The following DNAJB2 variants were observed in gnomAD, a reference collection of about 807,000 sequenced individuals.
DNAJB2 encodes the protein dnaJ homolog subfamily B member 2.
Under a neutral mutation model 33.3 loss-of-function variants are expected in DNAJB2, and 19 were observed. The observed-to-expected ratio is 0.57, with a 90% CI of 0.40 to 0.84. The LOEUF (loss-of-function observed/expected upper bound fraction) is 0.84, where lower values mean the gene tolerates loss of function less well. Ranked by LOEUF, DNAJB2 falls within the 40% of genes least tolerant of loss-of-function variation. The probability of loss-of-function intolerance (pLI) is 0.00; values close to 1 mark genes in which losing one functional copy is unlikely to be tolerated. For synonymous variants in DNAJB2, 172 were observed against 164.6 expected, an observed-to-expected ratio of 1.04 and a Z score of -0.34; for missense variants, 368 against 430.9, an observed-to-expected ratio of 0.85 and a Z score of 1.29.
chr2:219,282,153 G>A (rs1266783999), intron 5 of DNAJB2, 92 bp downstream of exon 5: 3 of 1,606,556 alleles, frequency 1.9e-6, no homozygotes, highest in Non-Finnish European at 2.6e-6. Context: ...GGAAGGCTGA[G>A]AGGGGACGGG....
At chr2:219,281,224 C>G (rs966273698) in intron 3 of DNAJB2, 1 of 183,896 alleles carries the variant, frequency 5.4e-6, no homozygotes, top group Non-Finnish European at 1.1e-5. Context: ...CAACACCTAC[C>G]AGGCACACAC....
intron 8 of DNAJB2, among the ~76,000 whole-genome samples, chr2:219,283,701 A>G (rs1182724078): frequency 6.6e-6 from 1 of 152,168 alleles, no homozygotes; most frequent in Middle Eastern, 3.2e-3. Flanking sequence ...GGTGCCTTAC[A>G]TTTGCAAAGC....
rs370901455 is a variant in DNAJB2 at position 219,279,811 on chromosome 2, C to T, written c.-23C>T. The T allele has an allele frequency of 1.5e-4, 234 of 1,613,502 alleles. No homozygotes were observed. In the African/African-American group the frequency reaches 2.7e-3, roughly 18 times the overall value. On this transcript the variant is annotated 5_prime_UTR_variant, in exon 2 of 9. Coordinates refer to ENST00000336576, the MANE Select transcript of DNAJB2 (RefSeq NM_006736.6). This position sits in a 1 kb window ranked among gnomAD's most constrained non-coding sequence, Gnocchi z 4.9. The stretch of plus-strand genomic sequence containing the variant: ...TCTCTTCTGCAGCCCCAAGGAGGCC[C>T]GCCTGACGACTGACCAGTTGCCATG...
At chr2:219,281,328 T>G in intron 3 of DNAJB2, 1 of 219,218 alleles carries the variant, frequency 4.6e-6, no homozygotes. Context: ...TTAGTTCTGG[T>G]GGTTGTAGAA....
In DNAJB2 at chr2:219,284,714, T is replaced by C; in HGVS notation, c.702T>C (p.Thr234=). The change falls in exon 9 of 9, where the codon ACT becomes ACC. Residue 234 remains threonine (T), a synonymous_variant. Transcript: ENST00000336576. The stretch of plus-strand genomic sequence containing the variant: ...CAGTCACTTCCAGGTCTGGGGGCAC[T>C]CAGGTCCAGCAGACCCCTGCCTCAT... ...QPSVTSRSGG[T]QVQQTPASCP... 1 of 1,612,998 alleles carries C rather than the reference T, an allele frequency of 6.2e-7. No homozygotes were observed.
Position 219,285,472 on chromosome 2 carries a change from G to A in DNAJB2, c.*485G>A, listed in dbSNP as rs968563699. On this transcript the variant is annotated 3_prime_UTR_variant, in exon 9 of 9. Coordinates refer to ENST00000336576, the MANE Select transcript of DNAJB2 (RefSeq NM_006736.6). ...AACCCTGGTTTCTGTGCCATGTTGC[G>A]CTCTGACCGTCTCTGTTGCTTCTCT... is the stretch of plus-strand genomic sequence containing the variant. 6.0e-6 allele frequency: 6 copies of A among 1,006,858 alleles called. No individual in the cohort carries two copies. Among genetic ancestry groups the A allele is most frequent in the Middle Eastern group, 5.1e-4 (1 of 1,976 alleles). 62.4% of individuals were successfully genotyped at this position (1,006,858 alleles called of 1,614,324 possible).
At chr2:219,284,301 G>C (rs573085820) in intron 8 of DNAJB2, among the ~76,000 whole-genome samples, 1 of 152,078 alleles carries the variant, frequency 6.6e-6, no homozygotes, top group Admixed American at 6.5e-5. Flanking sequence ...GGCTAGTCTC[G>C]AACTTCTAGG....
Position 219,285,245 on chromosome 2 carries a change from T to C in DNAJB2, c.*258T>C. 8.4e-7 allele frequency: 1 copy of C among 1,194,806 alleles called. No homozygotes were observed. Among genetic ancestry groups the C allele is most frequent in the Non-Finnish European group, 1.0e-6 (1 of 962,996 alleles). 74.0% of individuals were successfully genotyped at this position (1,194,806 alleles called of 1,614,324 possible). A position where few individuals can be genotyped will look rare whatever the true frequency, so the allele number is the denominator to read the frequency against. On this transcript the variant is annotated 3_prime_UTR_variant, in exon 9 of 9. Coordinates refer to ENST00000336576, the MANE Select transcript of DNAJB2 (RefSeq NM_006736.6). ...GAGGGGCCCGAGGAGCCAGGTTGCATTTATTGGATGGGGAGCTCCAAGGGG... is the reference window on the plus strand; with the variant it reads ...GAGGGGCCCGAGGAGCCAGGTTGCACTTATTGGATGGGGAGCTCCAAGGGG...
rs576724389 is a variant in DNAJB2 at position 219,283,901 on chromosome 2, A to G, written c.619+412A>G. Reference sequence around the variant, plus strand: ...CTCTTTCCTTCCAAGTAAGGAGTAGAGCCAGGAGTCAAACTCAGGACGCAC... The same window carrying G: ...CTCTTTCCTTCCAAGTAAGGAGTAGGGCCAGGAGTCAAACTCAGGACGCAC... On this transcript the variant is annotated intron_variant, in intron 8 of 8. Transcript: ENST00000336576. Among the ~76,000 whole-genome samples, 73 of 152,222 alleles carry G rather than the reference A, an allele frequency of 4.8e-4. 1 individual carries two copies.
In DNAJB2 at chr2:219,280,713, C is replaced by T. The variant is rs200212471; in HGVS notation, c.175+26C>T. ...GTAAGGGCCGGGGTCAGGCAGGACC[C>T]AGCACATCACCCCCTACTTCATGCC... On this transcript the variant is annotated intron_variant, in intron 3 of 8. Transcript: ENST00000336576. 22 of 1,503,612 alleles carry T rather than the reference C, an allele frequency of 1.5e-5. No individual in the cohort carries two copies. In the East Asian group the frequency reaches 4.7e-4, roughly 32 times the overall value. The allele number at this position is 1,503,612 out of a possible 1,614,324, so 93.1% of individuals were successfully genotyped here.
In DNAJB2 at chr2:219,284,915, G is replaced by A. The variant is rs772717001; in HGVS notation, c.903G>A (p.Glu301=). The change falls in exon 9 of 9, where the codon GAG becomes GAA. Residue 301 remains glutamate (E), a synonymous_variant. Coordinates refer to ENST00000336576, the MANE Select transcript of DNAJB2 (RefSeq NM_006736.6). ...HQDPGLGGTQ[E]GARGEATKRS... The stretch of plus-strand genomic sequence containing the variant: ...ATCCAGGCTTGGGGGGGACCCAGGA[G>A]GGTGCGAGGGGTGAAGCAACCAAAC... The A allele has an allele frequency of 1.9e-6, 3 of 1,585,144 alleles. No homozygotes were observed. Among genetic ancestry groups the A allele is most frequent in the Admixed American group, 3.5e-5 (2 of 57,466 alleles).
Position 219,283,440 on chromosome 2 carries a change from G to A in DNAJB2, c.570G>A (p.Glu190=). ...TTRRIMENGQ[E]RVEVEEDGQL... ...ACAGAATCATGGAGAACGGGCAGGA[G>A]CGGGTGGAAGTGGAGGAGGATGGGC... Residue 190 remains glutamate, a synonymous_variant, in exon 8 of 9, where the codon GAG becomes GAA. Transcript: ENST00000336576. 2 of 1,614,156 alleles carry A rather than the reference G, an allele frequency of 1.2e-6. No homozygotes were observed. Among genetic ancestry groups the A allele is most frequent in the East Asian group, 2.2e-5 (1 of 44,872 alleles).
rs1275474433 is a variant in DNAJB2 at position 219,285,129 on chromosome 2, C to G, written c.*142C>G. The G allele has an allele frequency of 2.9e-6, 4 of 1,379,264 alleles. No homozygotes were observed. The highest frequency in any genetic ancestry group is 1.9e-5 in the South Asian group (1 of 51,784). 85.4% of individuals were successfully genotyped at this position (1,379,264 alleles called of 1,614,324 possible). A position where few individuals can be genotyped will look rare whatever the true frequency, so the allele number is the denominator to read the frequency against. On this transcript the variant is annotated 3_prime_UTR_variant, in exon 9 of 9. Coordinates refer to ENST00000336576, the MANE Select transcript of DNAJB2 (RefSeq NM_006736.6). The stretch of plus-strand genomic sequence containing the variant: ...CCACAAGTTTCCCTCCCAGGCCCCC[C>G]ACACCCCAGTGTGGACTTGGGATTT...
At chr2:219,283,037 C>A (rs1010859064) in intron 6 of DNAJB2, 96 bp from the exon 7 acceptor site, 23 of 1,574,812 alleles carry the variant, frequency 1.5e-5, no homozygotes, top group Non-Finnish European at 2.0e-5. Flanking sequence ...CTGCCTCCAG[C>A]AGCCCTGCGA....
At chr2:219,283,067 G>A (rs1951920665) in intron 6 of DNAJB2, 66 bp from the exon 7 acceptor site, 1 of 1,599,032 alleles carries the variant, frequency 6.3e-7, no homozygotes, top group South Asian at 1.1e-5. Context: ...GAGCCTCGGT[G>A]ACCACAACAG....
At chr2:219,281,325 T>A (rs1951902199) in intron 3 of DNAJB2, 1 of 222,868 alleles carries the variant, frequency 4.5e-6, no homozygotes, top group African/African-American at 2.3e-5. Context: ...GCTTTAGTTC[T>A]GGTGGTTGTA....
rs764703475 is a variant in DNAJB2 at position 219,284,724 on chromosome 2, C to G, written c.712C>G (p.Gln238Glu). ...CAGGTCTGGGGGCACTCAGGTCCAG[C>G]AGACCCCTGCCTCATGCCCCTTGGA... ...TSRSGGTQVQ[Q>E]TPASCPLDSD... is the part of the protein sequence containing the mutation. Residue 238 changes from glutamine to glutamate, a missense_variant, in exon 9 of 9, where the codon CAG becomes GAG. Transcript: ENST00000336576. 1.2e-6 allele frequency: 2 copies of G among 1,613,244 alleles called. No individual in the cohort carries two copies. The highest frequency in any genetic ancestry group is 1.7e-6 in the Non-Finnish European group (2 of 1,179,832).
In DNAJB2 at chr2:219,279,802, A is replaced by G; in HGVS notation, c.-32A>G. 1.2e-6 allele frequency: 2 copies of G among 1,612,930 alleles called. No individual in the cohort carries two copies. The highest frequency in any genetic ancestry group is 1.7e-6 in the Non-Finnish European group (2 of 1,179,508). On this transcript the variant is annotated 5_prime_UTR_variant, in exon 2 of 9. Transcript: ENST00000336576. The surrounding 1 kb of genome is among the most constrained non-coding windows in gnomAD (Gnocchi z 4.9). ...CTGACTCCTTCTCTTCTGCAGCCCCAAGGAGGCCCGCCTGACGACTGACCA... is the reference window on the plus strand; with the variant it reads ...CTGACTCCTTCTCTTCTGCAGCCCCGAGGAGGCCCGCCTGACGACTGACCA...
At position 219,285,818 on chromosome 2, in the gene DNAJB2, G is replaced by A. The variant is rs1951950338; in HGVS notation, c.*831G>A. 3 of 1,410,942 alleles carry A rather than the reference G, an allele frequency of 2.1e-6. No homozygotes were observed. The highest frequency in any genetic ancestry group is 2.8e-6 in the Non-Finnish European group (3 of 1,078,326). 87.4% of individuals were successfully genotyped at this position (1,410,942 alleles called of 1,614,324 possible). ...CTGAAGAGGTGGGATAGGACCGGGG[G>A]ACCCCAGAGGGAGGCCTAGGAGGGG... On this transcript the variant is annotated 3_prime_UTR_variant, in exon 9 of 9. Transcript: ENST00000336576.
Sources: gnomAD v4.1 joint callset for allele counts (sites outside exome capture counted in the v4.1 genomes callset) on GRCh38, gnomAD v4.1.1 for gene constraint, Gnocchi (gnomAD v3.1) non-coding constraint, MANE v1.5 for transcripts, NCBI Gene and HGNC (gene_info 2026-07-23, HGNC 2026-07-21) for gene names.